CNTN1: variants seen among roughly 807,000 people sequenced by gnomAD.
CNTN1 encodes the protein contactin-1.
In CNTN1, 38 loss-of-function variants were observed where a neutral mutation model predicts 126.4. That is an observed-to-expected ratio of 0.30 (90% CI 0.23 to 0.39). CNTN1 has a LOEUF of 0.39. Ranked by LOEUF, CNTN1 falls within the 10% of genes least tolerant of loss-of-function variation. CNTN1 has a pLI of 1.00. For synonymous variants in CNTN1, 413 were observed against 422.6 expected, an observed-to-expected ratio of 0.98 and a Z score of 0.28; for missense variants, 1,009 against 1,248.4, an observed-to-expected ratio of 0.81 and a Z score of 2.89.
intron 1 of CNTN1, among the ~76,000 whole-genome samples, chr12:40,880,367 T>A (rs1432524283): frequency 6.6e-6 from 1 of 152,012 alleles, no homozygotes; most frequent in Non-Finnish European, 1.5e-5. Flanking sequence ...GAGAATATTC[T>A]TTCCTAAGTG....
chr12:40,852,894 T>C (rs1425666522), intron 1 of CNTN1, among the ~76,000 whole-genome samples: 1 of 152,014 alleles, frequency 6.6e-6, no homozygotes, highest in Non-Finnish European at 1.5e-5. Context: ...GCATAGTTTT[T>C]TTTTTATCCT....
rs773695120 is a variant in CNTN1, at chr12:40,908,481, A to C, written c.49A>C (p.Thr17Pro). The C allele has an allele frequency of 6.2e-7, 1 of 1,607,306 alleles. No homozygotes were observed. Among genetic ancestry groups the C allele is most frequent in the Non-Finnish European group, 8.5e-7 (1 of 1,174,694 alleles). ...VSHLVIISIT[T>P]CLAEFTWYRR... ...TCATCTTGTGATAATATCTATTACT[A>C]CCTGTTTAGCAGGTAAGAAATATCC... Residue 17 changes from threonine to proline, a missense_variant, in exon 2 of 24, where the codon ACC (threonine) becomes CCC (proline). Transcript: ENST00000551295.
rs1053033928 is a variant in CNTN1, at chr12:40,981,930, T to C, written c.1963+863T>C. ...GTGTGAATAAAATGTTCCTCCTTTT[T>C]AAAAAACTAAAAAAAAAAAAAATAC... On this transcript the variant is annotated intron_variant, in intron 16 of 23. Coordinates refer to ENST00000551295, the MANE Select transcript of CNTN1 (RefSeq NM_001843.4). 2.5e-4 allele frequency among the ~76,000 whole-genome samples: 38 copies of C among 149,590 alleles called. 1 individual carries two copies. Among genetic ancestry groups the C allele is most frequent in the Admixed American group, 2.3e-3 (34 of 15,094 alleles).
chr12:40,861,001 C>T (rs370524509), intron 1 of CNTN1, among the ~76,000 whole-genome samples: 1 of 151,952 alleles, frequency 6.6e-6, no homozygotes. Flanking sequence ...TTAGGAGCTC[C>T]GTGCCAGGAA....
At chr12:40,968,068 T>A (rs1270739835) in intron 15 of CNTN1, among the ~76,000 whole-genome samples, 3 of 152,136 alleles carry the variant, frequency 2.0e-5, no homozygotes, top group East Asian at 3.9e-4. Flanking sequence ...ATTATATTCA[T>A]TTTACACATG....
At chr12:41,022,953 C>T (rs932296477) in intron 20 of CNTN1, among the ~76,000 whole-genome samples, 4 of 151,952 alleles carry the variant, frequency 2.6e-5, no homozygotes, top group South Asian at 4.2e-4. Flanking sequence ...GAGACAAGCA[C>T]GAACACTTAA....
At chr12:41,019,602 T>C (rs1948860221) in intron 19 of CNTN1, among the ~76,000 whole-genome samples, 1 of 152,234 alleles carries the variant, frequency 6.6e-6, no homozygotes, top group African/African-American at 2.4e-5. Flanking sequence ...TTGGTTTCTT[T>C]GTGTAAATTT....
At chr12:40,999,774 C>T (rs1334370681) in intron 17 of CNTN1, among the ~76,000 whole-genome samples, 1 of 143,286 alleles carries the variant, frequency 7.0e-6, no homozygotes, top group Non-Finnish European at 1.5e-5. Flanking sequence ...AGGATCTCGG[C>T]TCACAGCAAG....
chr12:40,723,761 G>A (rs865790523), intron 1 of CNTN1, among the ~76,000 whole-genome samples: 2 of 152,136 alleles, frequency 1.3e-5, no homozygotes, highest in African/African-American at 4.8e-5. Flanking sequence ...ACATATTTCT[G>A]CTAGATATAG....
intron 1 of CNTN1, among the ~76,000 whole-genome samples, chr12:40,719,283 G>A (rs1334000909): frequency 6.6e-6 from 1 of 152,150 alleles, no homozygotes; most frequent in Non-Finnish European, 1.5e-5. Flanking sequence ...ATGGGAAGAT[G>A]AATTAATAGT....
chr12:41,070,045 G>T lies in CNTN1; in HGVS notation c.*10G>T. On this transcript the variant is annotated 3_prime_UTR_variant, in exon 24 of 24. Coordinates refer to ENST00000551295, the MANE Select transcript of CNTN1 (RefSeq NM_001843.4). ...CTACTTGGAATTCTGAATGTGTTGT[G>T]ACAGCTGCTGTTCCCATCCCAGCTC... 1.2e-6 allele frequency: 2 copies of T among 1,612,820 alleles called. No individual in the cohort carries two copies. The highest frequency in any genetic ancestry group is 1.7e-6 in the Non-Finnish European group (2 of 1,179,026).
intron 23 of CNTN1, among the ~76,000 whole-genome samples, chr12:41,058,596 C>T (rs1265566906): frequency 5.3e-5 from 8 of 151,852 alleles, no homozygotes; most frequent in Non-Finnish European, 1.0e-4. Flanking sequence ...TTTTTTTCCC[C>T]TTTTTTTAAC....
At chr12:40,819,540 G>C (rs1259791110) in intron 1 of CNTN1, among the ~76,000 whole-genome samples, 5 of 152,288 alleles carry the variant, frequency 3.3e-5, no homozygotes, top group African/African-American at 1.2e-4. Flanking sequence ...CTCCAGCAAG[G>C]GAAAAGCACA....
intron 1 of CNTN1, among the ~76,000 whole-genome samples, chr12:40,714,627 G>A (rs1942003328): frequency 6.6e-6 from 1 of 152,110 alleles, no homozygotes; most frequent in African/African-American, 2.4e-5. Context: ...CTTGTAAGAT[G>A]TCAGGGTTGT....
At chr12:40,762,487 A>G (rs1938901422) in intron 1 of CNTN1, among the ~76,000 whole-genome samples, 1 of 152,254 alleles carries the variant, frequency 6.6e-6, no homozygotes. Context: ...AAATAACAGT[A>G]TATTTAGGCA....
At chr12:40,957,697 A>T (rs931857989) in intron 14 of CNTN1, among the ~76,000 whole-genome samples, 1 of 151,972 alleles carries the variant, frequency 6.6e-6, no homozygotes, top group East Asian at 1.9e-4. Flanking sequence ...GAACTGTTTC[A>T]ATTTTTGACC....
chr12:40,922,220 G>A (rs762194222), intron 4 of CNTN1, 36 bp from the exon 5 acceptor site: 15 of 1,593,990 alleles, frequency 9.4e-6, no homozygotes, highest in African/African-American at 1.3e-5. Flanking sequence ...TAGGTCTCAT[G>A]ACCTGTGATA....
At chr12:40,852,659 A>T (rs1168752466) in intron 1 of CNTN1, among the ~76,000 whole-genome samples, 2 of 152,090 alleles carry the variant, frequency 1.3e-5, no homozygotes, top group African/African-American at 4.8e-5. Context: ...ATGTCATAGA[A>T]ATGAGGAAGA....
At chr12:40,978,262 G>T (rs1417542213) in intron 15 of CNTN1, among the ~76,000 whole-genome samples, 3 of 151,840 alleles carry the variant, frequency 2.0e-5, no homozygotes, top group Non-Finnish European at 4.4e-5. Flanking sequence ...ATACAATTAT[G>T]ATTTTAATAG....
Sources: gnomAD v4.1 joint callset for allele counts (sites outside exome capture counted in the v4.1 genomes callset) on GRCh38, gnomAD v4.1.1 for gene constraint, MANE v1.5 for transcripts, NCBI Gene and HGNC (gene_info 2026-07-23, HGNC 2026-07-21) for gene names.